EHMT1: variants seen among roughly 807,000 people sequenced by gnomAD.
EHMT1 encodes euchromatic histone lysine methyltransferase 1, also known as histone-lysine N-methyltransferase EHMT1.
Under a neutral mutation model 147.2 loss-of-function variants are expected in EHMT1, and 15 were observed. The ratio of observed to expected loss-of-function variants is 0.10; its 90% CI spans 0.07 to 0.16. The LOEUF is 0.16. EHMT1 is among the 10% of genes least tolerant of loss of function. The pLI, the probability that EHMT1 is intolerant of heterozygous loss-of-function variation, is 1.00. For synonymous variants in EHMT1, 795 were observed against 709.6 expected (o/e 1.12, Z -1.91); for missense variants, 1,587 against 1,772.4 (o/e 0.90, Z 1.88).
At chr9:137,684,594 C>G (rs1033959757) in intron 1 of EHMT1, among the ~76,000 whole-genome samples, 1 of 152,128 alleles carries the variant, frequency 6.6e-6, no homozygotes, top group African/African-American at 2.4e-5. Context: ...CAGGCTCAAG[C>G]AATCCTACTA....
Position 137,787,998 on chromosome 9 carries a change from A to C in EHMT1, c.2383-2850A>C, listed in dbSNP as rs541499486. Reference sequence around the variant, plus strand: ...CCCAGGAACTGAGGTGCCCTGCAGTAAGTGGAGAGGCCAGGCCCTAGGCTC... The same window carrying C: ...CCCAGGAACTGAGGTGCCCTGCAGTCAGTGGAGAGGCCAGGCCCTAGGCTC... On this transcript the variant is annotated intron_variant, in intron 15 of 26. Transcript: ENST00000460843. The surrounding 1 kb of genome is among the most constrained non-coding windows in gnomAD (Gnocchi z 4.2). The C allele has an allele frequency of 6.8e-7, 1 of 1,463,620 alleles. No individual in the cohort carries two copies. The highest frequency in any genetic ancestry group is 1.2e-5 in the South Asian group (1 of 86,056). 90.7% of individuals were successfully genotyped at this position (1,463,620 alleles called of 1,614,324 possible). A position where few individuals can be genotyped will look rare whatever the true frequency, so the allele number is the denominator to read the frequency against.
intron 9 of EHMT1, 96 bp downstream of exon 9, chr9:137,758,107 C>G (rs1949518297): frequency 6.5e-7 from 1 of 1,537,374 alleles, no homozygotes; most frequent in Non-Finnish European, 9.0e-7. Context: ...TTGGTGGACA[C>G]TAGTAGAAGA....
chr9:137,737,102 C>T (rs1354443478), intron 4 of EHMT1, among the ~76,000 whole-genome samples: 4 of 151,974 alleles, frequency 2.6e-5, no homozygotes, highest in Non-Finnish European at 4.4e-5. Flanking sequence ...TACTCCAGAG[C>T]CCCAGAGGCT....
At chr9:137,816,347 CCT>C (rs1298988340) in intron 23 of EHMT1, 19 of 478,074 alleles carry the variant, frequency 4.0e-5, no homozygotes, top group African/African-American at 2.5e-4. Context: ...CTAAGAATTA[CCT>C]TTGTTACCGA....
intron 1 of EHMT1, chr9:137,676,477 T>G (rs1027406860): frequency 6.6e-6 from 1 of 152,574 alleles, no homozygotes; most frequent in Non-Finnish European, 1.5e-5. Context: ...GTGATCCTCC[T>G]GCCTCAGCCT....
intron 10 of EHMT1, among the ~76,000 whole-genome samples, chr9:137,768,546 T>G (rs1463736715): frequency 2.3e-5 from 2 of 87,858 alleles, no homozygotes; most frequent in African/African-American, 5.1e-5. Flanking sequence ...TTTTTTTTTT[T>G]TTTTTTTTTT....
chr9:137,696,506 A>G (rs1350214878), intron 1 of EHMT1, among the ~76,000 whole-genome samples: 1 of 152,204 alleles, frequency 6.6e-6, no homozygotes, highest in African/African-American at 2.4e-5. Context: ...TTAGGTAGAG[A>G]AGGCAGTCTT....
At chr9:137,829,329 A>G (rs1485285265) in intron 25 of EHMT1, among the ~76,000 whole-genome samples, 2 of 152,248 alleles carry the variant, frequency 1.3e-5, no homozygotes, top group African/African-American at 4.8e-5. Context: ...ACACATTGTG[A>G]AAATTTTCAG....
intron 1 of EHMT1, among the ~76,000 whole-genome samples, chr9:137,657,458 G>T (rs1407102584): frequency 6.6e-6 from 1 of 151,858 alleles, no homozygotes; most frequent in Admixed American, 6.6e-5. Flanking sequence ...CGGCCTCCCA[G>T]GGTGTTGGGA....
Position 137,813,298 on chromosome 9 carries a change from G to T in EHMT1, c.3036-88G>T. 2.6e-6 allele frequency: 4 copies of T among 1,558,224 alleles called. No homozygotes were observed. Among genetic ancestry groups the T allele is most frequent in the Non-Finnish European group, 3.5e-6 (4 of 1,157,570 alleles). On this transcript the variant is annotated intron_variant, in intron 20 of 26. Transcript: ENST00000460843. The surrounding 1 kb of genome is among the most constrained non-coding windows in gnomAD (Gnocchi z 4.9). ...CTGCAGTCCAAATTGTCAGGGCCAG[G>T]TGTTTGCCAGCCGCCCCACTGCACG... is the stretch of plus-strand genomic sequence containing the variant.
In EHMT1 at chr9:137,823,007, T is replaced by G. The variant is rs113509712; in HGVS notation, c.3540+4869T>G. Among the ~76,000 whole-genome samples the G allele has an allele frequency of 4.0e-3, 603 of 150,966 alleles. 5 individuals are homozygous for G. The highest frequency in any genetic ancestry group is 0.012 in the African/African-American group (509 of 41,232). ...ATGCAGTGGCACAATCTCGGCTCAC[T>G]GCAACGTCTGCCTCCTGGGTTCAAG... On this transcript the variant is annotated intron_variant, in intron 25 of 26. Coordinates refer to ENST00000460843, the MANE Select transcript of EHMT1 (RefSeq NM_024757.5).
intron 1 of EHMT1, among the ~76,000 whole-genome samples, chr9:137,684,785 C>T (rs1033925292): frequency 6.6e-6 from 1 of 152,178 alleles, no homozygotes; most frequent in African/African-American, 2.4e-5. Flanking sequence ...GCCACCATAC[C>T]CAGCGTACAA....
intron 1 of EHMT1, among the ~76,000 whole-genome samples, chr9:137,663,082 C>T (rs775404145): frequency 7.2e-5 from 11 of 152,168 alleles, no homozygotes; most frequent in South Asian, 2.1e-4. Flanking sequence ...TGTGAGCCAC[C>T]GCGCCCAGTC....
intron 15 of EHMT1, among the ~76,000 whole-genome samples, chr9:137,789,785 A>G (rs1298953476): frequency 2.0e-5 from 3 of 152,210 alleles, no homozygotes; most frequent in Non-Finnish European, 4.4e-5. Flanking sequence ...GCTGGAGTGC[A>G]GTGGTGCAAT....
chr9:137,815,200 G>A (rs1954823410), intron 22 of EHMT1: 1 of 165,864 alleles, frequency 6.0e-6, no homozygotes, highest in Admixed American at 5.6e-5. Context: ...TGGACATGGA[G>A]GGTCAAGTGT....
intron 25 of EHMT1, among the ~76,000 whole-genome samples, chr9:137,833,726 G>A (rs1434898268): frequency 3.9e-5 from 6 of 152,260 alleles, no homozygotes; most frequent in Non-Finnish European, 2.9e-5. Context: ...AGGCACCAGG[G>A]TGAGGAGGAC....
chr9:137,619,853 G>A (rs111747775), intron 1 of EHMT1, among the ~76,000 whole-genome samples: 5 of 152,038 alleles, frequency 3.3e-5, no homozygotes, highest in Non-Finnish European at 5.9e-5. Context: ...TGAAGGAAAA[G>A]CAAGCAGGAG....
intron 3 of EHMT1, among the ~76,000 whole-genome samples, chr9:137,720,171 C>T (rs1945799851): frequency 6.6e-6 from 1 of 151,546 alleles, no homozygotes; most frequent in Non-Finnish European, 1.5e-5. Flanking sequence ...AGGTGCCGAA[C>T]CCCCTTCACA....
At chr9:137,816,133 C>T (rs1453016516) in intron 23 of EHMT1, 71 bp downstream of exon 23, 49 of 1,398,096 alleles carry the variant, frequency 3.5e-5, no homozygotes, top group Non-Finnish European at 4.3e-5. Context: ...GAGGTCACCC[C>T]GACAGACAAG....
Sources: gnomAD v4.1 joint callset for allele counts (sites outside exome capture counted in the v4.1 genomes callset) on GRCh38, gnomAD v4.1.1 for gene constraint, Gnocchi (gnomAD v3.1) non-coding constraint, MANE v1.5 for transcripts, NCBI Gene and HGNC (gene_info 2026-07-23, HGNC 2026-07-21) for gene names.